Variants in DTNA observed in about 807,000 individuals in gnomAD.
The protein encoded by DTNA is dystrobrevin alpha.
A neutral mutation model predicts 100.7 loss-of-function variants in DTNA; 43 were observed. That is an observed-to-expected ratio of 0.43 (90% confidence interval 0.33 to 0.55). DTNA has a LOEUF of 0.55. Among genes scored for constraint, DTNA ranks in the 20% least tolerant of loss-of-function variants. The pLI is 0.04. For synonymous variants in DTNA, 349 were observed against 347.9 expected (o/e 1.00, Z -0.04); for missense variants, 798 against 953.9 (o/e 0.84, Z 2.15).
intron 1 of DTNA, among the ~76,000 whole-genome samples, chr18:34,524,196 TAATAA>T (rs1238670326): frequency 1.3e-5 from 2 of 152,196 alleles, no homozygotes; most frequent in Non-Finnish European, 2.9e-5. Context: ...TTTTGTGTAT[TAATAA>T]AATAACAGCA....
At chr18:34,662,793 A>G (rs1322259314) in intron 1 of DTNA, 1 of 152,210 alleles carries the variant, frequency 6.6e-6, no homozygotes, top group Non-Finnish European at 1.5e-5. Context: ...CTGAGGAACA[A>G]CTGTGTTATT....
intron 1 of DTNA, among the ~76,000 whole-genome samples, chr18:34,568,342 T>A (rs1214954590): frequency 1.3e-5 from 2 of 152,180 alleles, no homozygotes; most frequent in African/African-American, 4.8e-5. Flanking sequence ...GAGAGAGATT[T>A]TTACTGGCTT....
intron 3 of DTNA, among the ~76,000 whole-genome samples, chr18:34,785,350 T>C (rs1018402377): frequency 1.3e-5 from 2 of 152,184 alleles, no homozygotes; most frequent in Admixed American, 6.5e-5. Context: ...AAGGGACAAA[T>C]ATATTTATAC....
chr18:34,588,384 C>T (rs899182244), intron 1 of DTNA, among the ~76,000 whole-genome samples: 9 of 152,222 alleles, frequency 5.9e-5, no homozygotes, highest in East Asian at 1.9e-4. Context: ...CAGTCTGCCC[C>T]CAACCCCCTA....
rs2087629620 is a variant in DTNA at position 34,888,974 on chromosome 18, CA to C, written c.*1241del. 1.0e-6 allele frequency: 1 copy of C among 985,646 alleles called. No homozygotes were observed. Among genetic ancestry groups the C allele is most frequent in the African/African-American group, 1.7e-5 (1 of 57,192 alleles). 61.1% of individuals were successfully genotyped at this position (985,646 alleles called of 1,614,324 possible). A position where few individuals can be genotyped will look rare whatever the true frequency, so the allele number is the denominator to read the frequency against. Reference sequence around the variant, plus strand: ...TAAGTTGAGTTGGGATTTTTGCACTCAGTGAAAAGCTGAAGTGCAAAAGAGC... The same window carrying C: ...TAAGTTGAGTTGGGATTTTTGCACTCGTGAAAAGCTGAAGTGCAAAAGAGC... On this transcript the variant is annotated 3_prime_UTR_variant, in exon 23 of 23. Coordinates refer to ENST00000444659, the MANE Select transcript of DTNA (RefSeq NM_001386795.1).
At chr18:34,778,660 G>T (rs1406692613) in intron 3 of DTNA, among the ~76,000 whole-genome samples, 1 of 152,070 alleles carries the variant, frequency 6.6e-6, no homozygotes, top group Admixed American at 6.6e-5. Context: ...AACCTCTGGG[G>T]TATAGACTAA....
chr18:34,590,862 A>G (rs2146904885), intron 1 of DTNA, among the ~76,000 whole-genome samples: 1 of 152,270 alleles, frequency 6.6e-6, no homozygotes, highest in East Asian at 1.9e-4. Flanking sequence ...GGTTAGGGGG[A>G]AAAAGAAGGA....
chr18:34,756,644 A>G (rs1025496239), intron 2 of DTNA, among the ~76,000 whole-genome samples: 1 of 152,210 alleles, frequency 6.6e-6, no homozygotes, highest in African/African-American at 2.4e-5. Context: ...CCTGCTACAC[A>G]AGGGAAACCA....
At chr18:34,648,374 G>A (rs1468936667) in intron 1 of DTNA, among the ~76,000 whole-genome samples, 3 of 152,102 alleles carry the variant, frequency 2.0e-5, no homozygotes, top group Non-Finnish European at 4.4e-5. Context: ...GTTGAGGTGG[G>A]GTAAGAGTAG....
chr18:34,860,220 G>GTATTTTTTTTTTTTTTTTT (rs749839630), intron 16 of DTNA, among the ~76,000 whole-genome samples: 1 of 80,254 alleles, frequency 1.2e-5, no homozygotes, highest in Non-Finnish European at 2.4e-5. Context: ...CTAATTTTTT[G>GTATTTTTTTTTTTTTTTTT]TTTTTTTTTT....
intron 3 of DTNA, chr18:34,767,423 T>C (rs2093543625): frequency 6.6e-6 from 1 of 152,172 alleles, no homozygotes. Flanking sequence ...GGGGCTGAAG[T>C]TTGGGGAAGG....
At chr18:34,502,552 T>G (rs1469085038) in intron 1 of DTNA, among the ~76,000 whole-genome samples, 7 of 152,218 alleles carry the variant, frequency 4.6e-5, no homozygotes, top group Non-Finnish European at 8.8e-5. Flanking sequence ...TTTTGTATAT[T>G]GTATTTTCAT....
At chr18:34,566,040 A>G (rs1445837856) in intron 1 of DTNA, among the ~76,000 whole-genome samples, 1 of 152,210 alleles carries the variant, frequency 6.6e-6, no homozygotes. Context: ...AATACACTCA[A>G]TGAAAATGGC....
chr18:34,768,201 C>T (rs2093587478), intron 3 of DTNA, among the ~76,000 whole-genome samples: 1 of 152,146 alleles, frequency 6.6e-6, no homozygotes, highest in Non-Finnish European at 1.5e-5. Context: ...AAGTGGTAGA[C>T]ACTCTGTCCT....
intron 1 of DTNA, among the ~76,000 whole-genome samples, chr18:34,545,055 C>T (rs1407056115): frequency 6.6e-6 from 1 of 152,076 alleles, no homozygotes; most frequent in African/African-American, 2.4e-5. Flanking sequence ...GTGGAAAGCA[C>T]AAGTGCAGAA....
intron 20 of DTNA, among the ~76,000 whole-genome samples, chr18:34,881,705 A>G (rs2096875289): frequency 1.3e-5 from 2 of 152,100 alleles, no homozygotes. Context: ...TCTATTTTAA[A>G]CAAGAATAAA....
chr18:34,710,815 G>T (rs1475348511), intron 1 of DTNA, among the ~76,000 whole-genome samples: 1 of 151,880 alleles, frequency 6.6e-6, no homozygotes, highest in Non-Finnish European at 1.5e-5. Flanking sequence ...AAAATGGTCC[G>T]CTTTTCTTAG....
intron 8 of DTNA, 114 bp downstream of exon 8, chr18:34,818,444 G>A (rs1364818682): frequency 1.9e-6 from 3 of 1,543,986 alleles, no homozygotes; most frequent in East Asian, 2.4e-5. Flanking sequence ...TCCATCCCAG[G>A]TCTAGTATTC....
chr18:34,641,115 T>C (rs2059230620), intron 1 of DTNA, among the ~76,000 whole-genome samples: 1 of 152,286 alleles, frequency 6.6e-6, no homozygotes, highest in Admixed American at 6.5e-5. Context: ...AGAATATTTC[T>C]AGAACAGAGT....
Sources: allele counts gnomAD v4.1 joint callset (sites outside exome capture counted in the v4.1 genomes callset), GRCh38; gene constraint gnomAD v4.1.1; transcripts MANE v1.5; gene names NCBI Gene and HGNC (gene_info 2026-07-23, HGNC 2026-07-21).